RBM6: variants seen among roughly 807,000 people sequenced by gnomAD.
RBM6 encodes the protein RNA-binding protein 6.
A neutral mutation model predicts 140.4 loss-of-function variants in RBM6; 23 were observed. That is an observed-to-expected ratio of 0.16 (90% CI 0.12 to 0.23). The LOEUF (loss-of-function observed/expected upper bound fraction) is 0.23. Among genes scored for constraint, RBM6 ranks in the 10% least tolerant of loss-of-function variants. The probability of loss-of-function intolerance (pLI) is 1.00; values close to 1 mark genes in which losing one functional copy is unlikely to be tolerated. For missense variants in RBM6, 1,139 were observed against 1,386.7 expected (o/e 0.82, Z 2.84); for synonymous variants, 439 against 475.6 (o/e 0.92, Z 1.00).
In RBM6 at chr3:50,071,001, T is replaced by C. The variant is rs142517210; in HGVS notation, c.3116+449T>C. On this transcript the variant is annotated intron_variant, in intron 19 of 20. Coordinates refer to ENST00000266022, the MANE Select transcript of RBM6 (RefSeq NM_005777.3). ...TTCCCAAGTTGTAAGCCCAGAGTTA[T>C]ATAGAATTTGTTGATAACCCACTGT... 7.2e-3 allele frequency among the ~76,000 whole-genome samples: 1,102 copies of C among 152,320 alleles called. 15 individuals are homozygous for C. The highest frequency in any genetic ancestry group is 0.025 in the African/African-American group (1,051 of 41,564).
rs2083898637 is a variant in RBM6 at position 49,954,798 on chromosome 3, A to G, written c.-66-7778A>G. On this transcript the variant is annotated intron_variant, in intron 1 of 20. Transcript: ENST00000266022. The stretch of plus-strand genomic sequence containing the variant: ...TTTTGAAATGGAGTCTTACTCTGTC[A>G]CCCAGGCTGGAGTGCAGTGGCGCGA... Among the ~76,000 whole-genome samples the G allele has an allele frequency of 2.0e-5, 3 of 150,092 alleles. No homozygotes were observed. In the South Asian group the frequency reaches 6.3e-4, roughly 31 times the overall value.
Position 49,967,739 on chromosome 3 carries a change from T to G in RBM6, c.314T>G (p.Phe105Cys). ...GGGGGAGATTTTTCGTCTTCTGATT[T>G]CCAGAGCAGAGATTCATCACAGTTG... is the stretch of plus-strand genomic sequence containing the variant. ...FRGGDFSSSD[F>C]QSRDSSQLDF... Residue 105 changes from phenylalanine (F) to cysteine (C), a missense_variant, in exon 3 of 21, where the codon TTC becomes TGC. Transcript: ENST00000266022. This position sits in a 1 kb window ranked among gnomAD's most constrained non-coding sequence, Gnocchi z 4.0. The G allele has an allele frequency of 6.2e-7, 1 of 1,614,120 alleles. No homozygotes were observed. The highest frequency in any genetic ancestry group is 1.1e-5 in the South Asian group (1 of 91,074).
intron 1 of RBM6, among the ~76,000 whole-genome samples, chr3:49,947,701 C>T (rs369825560): frequency 1.2e-4 from 18 of 152,050 alleles, no homozygotes; most frequent in East Asian, 9.7e-4. Flanking sequence ...ATAGTTTTAG[C>T]GCTTACGTTT....
At chr3:50,062,215 ACT>A in intron 15 of RBM6, 107 bp downstream of exon 15, 34 of 1,349,582 alleles carry the variant, frequency 2.5e-5, no homozygotes, top group Non-Finnish European at 3.3e-5. Flanking sequence ...CTTTAAAAAT[ACT>A]CTGTCAGCCG....
At chr3:50,068,792 T>G in intron 18 of RBM6, 28 bp downstream of exon 18, 4 of 1,592,102 alleles carry the variant, frequency 2.5e-6, no homozygotes, top group Non-Finnish European at 3.4e-6. Context: ...ATTACTCCCT[T>G]GACCTCAGCT....
At chr3:50,015,463 C>T (rs1392014755) in intron 6 of RBM6, among the ~76,000 whole-genome samples, 1 of 149,800 alleles carries the variant, frequency 6.7e-6, no homozygotes, top group African/African-American at 2.5e-5. Context: ...TGGAGCCTCG[C>T]TCTGTTGCCC....
intron 6 of RBM6, among the ~76,000 whole-genome samples, chr3:50,032,990 A>G (rs1206092997): frequency 6.7e-6 from 1 of 149,310 alleles, no homozygotes; most frequent in Admixed American, 6.7e-5. Flanking sequence ...CATCTCAAAA[A>G]AAAAAGAAAA....
At chr3:49,955,513 T>G (rs1575536617) in intron 1 of RBM6, among the ~76,000 whole-genome samples, 1 of 151,992 alleles carries the variant, frequency 6.6e-6, no homozygotes, top group Non-Finnish European at 1.5e-5. Flanking sequence ...TTCTCCTGCC[T>G]TAGACTCCCG....
intron 5 of RBM6, among the ~76,000 whole-genome samples, chr3:49,986,840 C>T: frequency 6.7e-6 from 1 of 149,204 alleles, no homozygotes; most frequent in Non-Finnish European, 1.5e-5. Flanking sequence ...GGATGGAGTG[C>T]ATTGGCATGC....
chr3:49,983,307 C>G (rs984743745), intron 5 of RBM6, among the ~76,000 whole-genome samples: 1 of 152,020 alleles, frequency 6.6e-6, no homozygotes, highest in African/African-American at 2.4e-5. Context: ...CATTGTGAAA[C>G]TCGAGAATTG....
At chr3:50,033,383 C>T (rs2108829854) in intron 6 of RBM6, among the ~76,000 whole-genome samples, 1 of 152,200 alleles carries the variant, frequency 6.6e-6, no homozygotes, top group South Asian at 2.1e-4. Context: ...GCTCCTGAAA[C>T]CTGATGCTTT....
At chr3:49,984,760 A>T (rs1260845517) in intron 5 of RBM6, among the ~76,000 whole-genome samples, 1 of 152,242 alleles carries the variant, frequency 6.6e-6, no homozygotes, top group Non-Finnish European at 1.5e-5. Context: ...CCCTGAGCAC[A>T]GAAATCTCGG....
In RBM6 at chr3:49,992,985, C is replaced by T. The variant is rs1372632888; in HGVS notation, c.1484-6455C>T. Among the ~76,000 whole-genome samples, 12 of 152,240 alleles carry T rather than the reference C, an allele frequency of 7.9e-5. 1 individual carries two copies. In the South Asian group the frequency reaches 2.5e-3, roughly 32 times the overall value. On this transcript the variant is annotated intron_variant, in intron 5 of 20. Transcript: ENST00000266022. ...ATTTGTTTGTTTGTTTTTAAGTGAA[C>T]AAAAGTTGAATGAGATTGATTACTG...
intron 6 of RBM6, among the ~76,000 whole-genome samples, chr3:50,002,753 T>G (rs940888844): frequency 6.6e-6 from 1 of 152,208 alleles, no homozygotes; most frequent in Non-Finnish European, 1.5e-5. Context: ...TTAATAAAAC[T>G]AATTCTTTAA....
At chr3:50,008,552 T>C (rs1486526020) in intron 6 of RBM6, among the ~76,000 whole-genome samples, 1 of 140,266 alleles carries the variant, frequency 7.1e-6, no homozygotes, top group Non-Finnish European at 1.5e-5. Context: ...GTAACTTTTT[T>C]TTTTTTTTTT....
Position 50,062,048 on chromosome 3 carries a change from T to A in RBM6, c.2526T>A (p.Ser842Arg), listed in dbSNP as rs750062442. 4 of 1,613,944 alleles carry A rather than the reference T, an allele frequency of 2.5e-6. No individual in the cohort carries two copies. In the South Asian group the frequency reaches 4.4e-5, roughly 18 times the overall value. ...EKKPTSQGKSSSKKEMSKRDG... is the reference protein window; with the variant it reads ...EKKPTSQGKSRSKKEMSKRDG... The stretch of plus-strand genomic sequence containing the variant: ...AACCCACCAGTCAAGGAAAGTCAAG[T>A]AGCAAGAAGGAAATGTCTAAAAGAG... Residue 842 changes from serine to arginine, a missense_variant, in exon 15 of 21, where the codon AGT becomes AGA. Ser to Arg is a moderately radical substitution (Grantham distance 110, BLOSUM62 -1). Transcript: ENST00000266022.
At chr3:50,059,808 C>CT in intron 11 of RBM6, 62 bp downstream of exon 11, 1 of 1,303,106 alleles carries the variant, frequency 7.7e-7, no homozygotes. Context: ...GAGGAAACTC[C>CT]TTTTCCTGGC....
Position 49,942,661 on chromosome 3 carries a change from C to G in RBM6, c.-67+2436C>G, listed in dbSNP as rs373904086. 1.2e-4 allele frequency among the ~76,000 whole-genome samples: 18 copies of G among 152,068 alleles called. No individual in the cohort carries two copies. In the East Asian group the frequency reaches 2.3e-3, roughly 20 times the overall value. On this transcript the variant is annotated intron_variant, in intron 1 of 20. Coordinates refer to ENST00000266022, the MANE Select transcript of RBM6 (RefSeq NM_005777.3). Reference sequence around the variant, plus strand: ...TAATCCCAGCACTTTGGGAGGTCAACGTGGGCAGATCACTTGAGTTCAGGA... The same window carrying G: ...TAATCCCAGCACTTTGGGAGGTCAAGGTGGGCAGATCACTTGAGTTCAGGA...
At chr3:49,998,380 C>A (rs2086180408) in intron 5 of RBM6, among the ~76,000 whole-genome samples, 1 of 152,194 alleles carries the variant, frequency 6.6e-6, no homozygotes, top group South Asian at 2.1e-4. Context: ...CTGAACATCA[C>A]ATCTTTTTCT....
Sources: allele counts gnomAD v4.1 joint callset (sites outside exome capture counted in the v4.1 genomes callset), GRCh38; gene constraint gnomAD v4.1.1; non-coding constraint Gnocchi (gnomAD v3.1); transcripts MANE v1.5; gene names NCBI Gene and HGNC (gene_info 2026-07-23, HGNC 2026-07-21).